Variants in COL5A2 observed in about 807,000 individuals in gnomAD.
COL5A2 encodes collagen type V alpha 2 chain.
In COL5A2, 23 loss-of-function variants were observed where a neutral mutation model predicts 208.2. The ratio of observed to expected loss-of-function variants is 0.11; its 90% CI spans 0.08 to 0.16. The LOEUF (loss-of-function observed/expected upper bound fraction) is 0.16. COL5A2 is among the 10% of genes least tolerant of loss of function. COL5A2 has a pLI of 1.00. For missense variants in COL5A2, 1,590 were observed against 1,956.4 expected, an observed-to-expected ratio of 0.81 and a Z score of 3.53; for synonymous variants, 625 against 628.5, an observed-to-expected ratio of 0.99 and a Z score of 0.08.
chr2:189,369,976 A>C, the COL5A2 span, among the ~76,000 whole-genome samples: 6,214 of 152,290 alleles, frequency 0.041, 439 homozygotes, highest in African/African-American at 0.14. Flanking sequence ...GGTAATAATA[A>C]CAAAAGTTAA....
At chr2:189,063,554 T>G (rs1253429251) in intron 26 of COL5A2, among the ~76,000 whole-genome samples, 1 of 152,178 alleles carries the variant, frequency 6.6e-6, no homozygotes, top group Non-Finnish European at 1.5e-5. Flanking sequence ...TTTACTCTGG[T>G]TTGTGGTAAT....
At chr2:189,272,919 T>C in the COL5A2 span, among the ~76,000 whole-genome samples, 7 of 152,216 alleles carry the variant, frequency 4.6e-5, 1 homozygote, top group African/African-American at 1.7e-4. Flanking sequence ...TTTTGTGAAA[T>C]GATTATAACT....
At chr2:189,293,140 A>G in the COL5A2 span, among the ~76,000 whole-genome samples, 8 of 152,046 alleles carry the variant, frequency 5.3e-5, no homozygotes, top group East Asian at 3.9e-4. Context: ...GCATTAGGAG[A>G]TATACCTAAC....
intron 1 of COL5A2, among the ~76,000 whole-genome samples, chr2:189,191,303 T>C (rs1390157362): frequency 2.0e-5 from 3 of 152,054 alleles, no homozygotes; most frequent in Non-Finnish European, 4.4e-5. Context: ...ATGTTGAATT[T>C]ACAGTAAAGG....
chr2:189,140,641 A>G (rs1240787411), intron 1 of COL5A2, among the ~76,000 whole-genome samples: 2 of 152,106 alleles, frequency 1.3e-5, no homozygotes, highest in African/African-American at 4.8e-5. Flanking sequence ...ACATTTCCTT[A>G]CTATTTCCCT....
At chr2:189,277,659 A>G in the COL5A2 span, among the ~76,000 whole-genome samples, 1 of 152,130 alleles carries the variant, frequency 6.6e-6, no homozygotes, top group Non-Finnish European at 1.5e-5. Flanking sequence ...GACACACAAT[A>G]TATTTTTAAA....
At position 189,033,087 on chromosome 2, in the gene COL5A2, C is replaced by T. The variant is rs540782332; in HGVS notation, c.*983G>A. ...AAAGGCCAAATGGTCTAATTCCAAT[C>T]ATCACATTTGATTAGAGTCAGCTCC... On this transcript the variant is annotated 3_prime_UTR_variant, in exon 54 of 54. Transcript: ENST00000374866. 2.5e-4 allele frequency: 38 copies of T among 152,672 alleles called. No homozygotes were observed. The highest frequency in any genetic ancestry group is 8.7e-4 in the African/African-American group (36 of 41,554). The allele number at this position is 152,672 out of a possible 1,614,324, so 9.5% of individuals were successfully genotyped here.
Position 189,039,396 on chromosome 2 carries a change from C to G in COL5A2, c.3801G>C (p.Gly1267=). Residue 1267 remains glycine, a synonymous_variant, in exon 51 of 54, where the codon GGG becomes GGC. Transcript: ENST00000374866. ...APDDKNKTDP[G]VHATLKSLSS... ...TGAGTGACTTCAGGGTAGCATGAACCCCTGGGTCCGTTTTGTTTTTGTCAT... is the reference window on the plus strand; with the variant it reads ...TGAGTGACTTCAGGGTAGCATGAACGCCTGGGTCCGTTTTGTTTTTGTCAT... The G allele has an allele frequency of 1.2e-6, 2 of 1,613,918 alleles. No individual in the cohort carries two copies. The highest frequency in any genetic ancestry group is 1.7e-6 in the Non-Finnish European group (2 of 1,179,994).
the COL5A2 span, among the ~76,000 whole-genome samples, chr2:189,279,364 T>C: frequency 1.3e-5 from 2 of 151,898 alleles, no homozygotes; most frequent in East Asian, 1.9e-4. Flanking sequence ...ATGACAGATA[T>C]TTAAATGACG....
rs1455920570 is a variant in COL5A2 at position 189,148,929 on chromosome 2, C to T, written c.97+30579G>A. 2.0e-5 allele frequency among the ~76,000 whole-genome samples: 3 copies of T among 152,250 alleles called. No individual in the cohort carries two copies. In the East Asian group the frequency reaches 5.8e-4, roughly 29 times the overall value. On this transcript the variant is annotated intron_variant, in intron 1 of 53. Coordinates refer to ENST00000374866, the MANE Select transcript of COL5A2 (RefSeq NM_000393.5). ...CCGAGGCAGGTGGATCACTTGAGGT[C>T]AGGAGTTGGAGACCAGCTTGACCAA...
rs549613697 is a variant in COL5A2 at position 189,153,932 on chromosome 2, G to T, written c.97+25576C>A. On this transcript the variant is annotated intron_variant, in intron 1 of 53. Transcript: ENST00000374866. ...GGTAGTTCCTGTATAGACCCCCTAA[G>T]ATTCTGCATTGCCTTTGAATAACAG... 1.7e-4 allele frequency among the ~76,000 whole-genome samples: 26 copies of T among 152,202 alleles called. 1 individual carries two copies. The South Asian group carries it at 5.4e-3, about 32-fold the overall frequency.
At chr2:189,427,794 A>G in the COL5A2 span, among the ~76,000 whole-genome samples, 1 of 152,190 alleles carries the variant, frequency 6.6e-6, no homozygotes, top group Non-Finnish European at 1.5e-5. Context: ...TCAGACTTGC[A>G]CAGGCCTATA....
chr2:189,174,897 G>A (rs10931401), intron 1 of COL5A2, among the ~76,000 whole-genome samples: 25,734 of 152,140 alleles, frequency 0.17, 3,082 homozygotes, highest in African/African-American at 0.33. Context: ...GAAGTTATAG[G>A]TGTCAAAATT....
the COL5A2 span, among the ~76,000 whole-genome samples, chr2:189,440,930 G>A: frequency 6.6e-5 from 10 of 152,206 alleles, no homozygotes; most frequent in African/African-American, 1.9e-4. Context: ...CCCTAGGACT[G>A]TGGAGATTCT....
the COL5A2 span, among the ~76,000 whole-genome samples, chr2:189,273,493 C>G: frequency 6.6e-6 from 1 of 152,054 alleles, no homozygotes; most frequent in African/African-American, 2.4e-5. Context: ...AGTCTCACTA[C>G]TGAATATACA....
At chr2:189,253,950 T>C in the COL5A2 span, among the ~76,000 whole-genome samples, 3 of 152,258 alleles carry the variant, frequency 2.0e-5, no homozygotes, top group Admixed American at 1.3e-4. Flanking sequence ...CATAACTGTT[T>C]AATGATTCAC....
the COL5A2 span, among the ~76,000 whole-genome samples, chr2:189,381,914 C>T: frequency 6.6e-6 from 1 of 151,560 alleles, no homozygotes; most frequent in Admixed American, 6.6e-5. Flanking sequence ...GAAAAATAGC[C>T]CTTTATTATT....
chr2:189,254,197 A>G, the COL5A2 span, among the ~76,000 whole-genome samples: 1 of 152,246 alleles, frequency 6.6e-6, no homozygotes, highest in Non-Finnish European at 1.5e-5. Flanking sequence ...AAACCTTTCC[A>G]AAAAGTAAAA....
intron 1 of COL5A2, among the ~76,000 whole-genome samples, chr2:189,213,364 TAC>T (rs1376106838): frequency 6.6e-6 from 1 of 151,932 alleles, no homozygotes; most frequent in Non-Finnish European, 1.5e-5. Context: ...AAAAGGAGAA[TAC>T]AGAGAAGAAT....
Sources: gnomAD v4.1 joint callset for allele counts (sites outside exome capture counted in the v4.1 genomes callset) on GRCh38, gnomAD v4.1.1 for gene constraint, MANE v1.5 for transcripts, NCBI Gene and HGNC (gene_info 2026-07-23, HGNC 2026-07-21) for gene names.